Variants in GIGYF2 observed in about 807,000 individuals in gnomAD.
The protein encoded by GIGYF2 is GRB10 interacting GYF protein 2.
Under a neutral mutation model 208.1 loss-of-function variants are expected in GIGYF2, and 25 were observed. The ratio of observed to expected loss-of-function variants is 0.12; its 90% CI spans 0.09 to 0.17. The LOEUF is 0.17. Ranked by LOEUF, GIGYF2 falls within the 10% of genes least tolerant of loss-of-function variation. The probability of loss-of-function intolerance (pLI) is 1.00; values close to 1 mark genes in which losing one functional copy is unlikely to be tolerated. For synonymous variants in GIGYF2, 534 were observed against 543.8 expected (o/e 0.98, Z 0.25); for missense variants, 1,302 against 1,579.4 (o/e 0.82, Z 2.98).
chr2:232,794,532 T>C (rs1028367432), intron 12 of GIGYF2, among the ~76,000 whole-genome samples: 12 of 152,212 alleles, frequency 7.9e-5, no homozygotes, highest in African/African-American at 2.9e-4. Context: ...ACCTTTTAGA[T>C]ACCTTTTAAC....
chr2:232,796,146 A>G lies in GIGYF2; in HGVS notation c.1564A>G (p.Lys522Glu). 1 of 1,600,798 alleles carries G rather than the reference A, an allele frequency of 6.2e-7. No individual in the cohort carries two copies. ...LASKLQEHRA[K>E]GVSIPLMHEA... ...ATCAAAACTGCAAGAGCACAGAGCTAAAGGAGTGTCGATTCCATTGATGCA... is the reference window on the plus strand; with the variant it reads ...ATCAAAACTGCAAGAGCACAGAGCTGAAGGAGTGTCGATTCCATTGATGCA... Residue 522 changes from lysine (K) to glutamate (E), a missense_variant, in exon 14 of 29, where the codon AAA (lysine) becomes GAA (glutamate). This residue lies in a region of GIGYF2 where 69 missense variants were observed against 132.8 expected (regional missense o/e 0.52). Transcript: ENST00000373563.
rs769256387 is a variant in GIGYF2, at chr2:232,847,382, A to G, written c.3495A>G (p.Glu1165=). ...TTGTTTCTTTCCTGAAAGAAGTAGA[A>G]TCTCCTTATGAGGTCCATGATTATA... The part of the protein sequence containing the change: ...PTFVSFLKEV[E]SPYEVHDYIR... The change falls in exon 27 of 29, where the codon GAA becomes GAG. Residue 1165 remains glutamate (E), a synonymous_variant. Transcript: ENST00000373563. The G allele has an allele frequency of 3.7e-6, 6 of 1,612,620 alleles. No individual in the cohort carries two copies. Among genetic ancestry groups the G allele is most frequent in the Non-Finnish European group, 5.1e-6 (6 of 1,178,870 alleles).
intron 8 of GIGYF2, among the ~76,000 whole-genome samples, chr2:232,781,946 A>G (rs1282697514): frequency 6.6e-6 from 1 of 152,232 alleles, no homozygotes; most frequent in East Asian, 1.9e-4. Context: ...AGAGTTAATG[A>G]TGGTTGACTT....
chr2:232,777,622 C>CT (rs397686606), intron 8 of GIGYF2, among the ~76,000 whole-genome samples: 3 of 145,260 alleles, frequency 2.1e-5, no homozygotes, highest in Non-Finnish European at 4.5e-5. Flanking sequence ...GTCCCCCCCC[C>CT]GCCCCACAAT....
At chr2:232,802,563 C>T (rs1227959088) in intron 14 of GIGYF2, among the ~76,000 whole-genome samples, 1 of 152,056 alleles carries the variant, frequency 6.6e-6, no homozygotes, top group Non-Finnish European at 1.5e-5. Context: ...TGCCTTGAAC[C>T]ATCCTTGCAT....
At chr2:232,786,791 A>G (rs562279050) in intron 8 of GIGYF2, among the ~76,000 whole-genome samples, 37 of 152,304 alleles carry the variant, frequency 2.4e-4, no homozygotes, top group Admixed American at 2.2e-3. Context: ...CTATGTATAC[A>G]TGTGTAAGTG....
intron 1 of GIGYF2, among the ~76,000 whole-genome samples, chr2:232,698,862 G>T (rs76074281): frequency 1.3e-5 from 2 of 152,156 alleles, no homozygotes; most frequent in Non-Finnish European, 2.9e-5. Flanking sequence ...TGAGACTCTT[G>T]AGGTTTGGGA....
chr2:232,848,219 C>G (rs761537165), intron 27 of GIGYF2, among the ~76,000 whole-genome samples: 5 of 152,214 alleles, frequency 3.3e-5, no homozygotes, highest in Non-Finnish European at 5.9e-5. Flanking sequence ...GAACTCACAA[C>G]TAATAGCACT....
At chr2:232,733,817 G>A (rs1209304732) in intron 2 of GIGYF2, among the ~76,000 whole-genome samples, 3 of 152,120 alleles carry the variant, frequency 2.0e-5, no homozygotes, top group Admixed American at 6.5e-5. Flanking sequence ...TAGTTGTTCT[G>A]CTGTATTGTT....
intron 8 of GIGYF2, among the ~76,000 whole-genome samples, chr2:232,785,589 C>T (rs1699884128): frequency 6.6e-6 from 1 of 152,052 alleles, no homozygotes; most frequent in African/African-American, 2.4e-5. Context: ...TCTGTTAGTC[C>T]AGCTTATAAT....
chr2:232,818,264 T>C (rs1700973181), intron 20 of GIGYF2, among the ~76,000 whole-genome samples: 1 of 152,220 alleles, frequency 6.6e-6, no homozygotes. Context: ...TCTATTTTAG[T>C]GTTTCTAAAT....
chr2:232,813,905 T>G (rs1446730281), intron 18 of GIGYF2, among the ~76,000 whole-genome samples: 1 of 76,150 alleles, frequency 1.3e-5, no homozygotes, highest in Admixed American at 1.4e-4. Flanking sequence ...TTTTTTTTTT[T>G]GAGACAGAGT....
intron 8 of GIGYF2, among the ~76,000 whole-genome samples, chr2:232,785,718 C>A (rs188333273): frequency 6.6e-6 from 1 of 152,162 alleles, no homozygotes; most frequent in Admixed American, 6.5e-5. Flanking sequence ...GATATTTTAT[C>A]TTTCAGTAGA....
chr2:232,851,706 C>T (rs993244290), intron 28 of GIGYF2, among the ~76,000 whole-genome samples: 1 of 152,186 alleles, frequency 6.6e-6, no homozygotes, highest in Non-Finnish European at 1.5e-5. Flanking sequence ...AGGTGTGAAC[C>T]GCCACGCCCG....
At chr2:232,707,470 G>A (rs1258303720) in intron 2 of GIGYF2, among the ~76,000 whole-genome samples, 2 of 152,114 alleles carry the variant, frequency 1.3e-5, no homozygotes, top group Non-Finnish European at 2.9e-5. Context: ...GGGCTCTCAT[G>A]ATCAGTTTCT....
chr2:232,761,659 T>C (rs371949960), intron 8 of GIGYF2: 3 of 371,436 alleles, frequency 8.1e-6, no homozygotes, highest in African/African-American at 2.1e-5. Context: ...TTAAGGCCAA[T>C]TTGTGAACTG....
intron 14 of GIGYF2, among the ~76,000 whole-genome samples, chr2:232,801,610 A>G (rs1700402579): frequency 6.6e-6 from 1 of 152,254 alleles, no homozygotes; most frequent in South Asian, 2.1e-4. Context: ...GTTAATTAAC[A>G]AGCATACTAA....
chr2:232,847,272 A>G, intron 26 of GIGYF2, 76 bp from the exon 27 acceptor site: 1 of 1,473,988 alleles, frequency 6.8e-7, no homozygotes, highest in Non-Finnish European at 9.5e-7. Flanking sequence ...GATACATTAA[A>G]AATGGAAACT....
intron 28 of GIGYF2, 110 bp from the exon 29 acceptor site, chr2:232,856,683 C>T: frequency 1.2e-6 from 1 of 801,826 alleles, no homozygotes; most frequent in Non-Finnish European, 2.3e-6. Flanking sequence ...CAGAGTGAAA[C>T]CCTGTCTCAC....
Sources: gnomAD v4.1 joint callset for allele counts (sites outside exome capture counted in the v4.1 genomes callset) on GRCh38, gnomAD v4.1.1 for gene constraint, gnomAD v4.1.1 regional missense constraint, MANE v1.5 for transcripts, NCBI Gene and HGNC (gene_info 2026-07-23, HGNC 2026-07-21) for gene names.